Variants in ACTR3C observed in about 807,000 individuals in gnomAD.
ACTR3C encodes the protein actin related protein 3C, also known as actin-related protein 3C.
Under a neutral mutation model 26.3 loss-of-function variants are expected in ACTR3C, and 18 were observed. The observed-to-expected ratio is 0.68, with a 90% CI of 0.47 to 1.01. The LOEUF (loss-of-function observed/expected upper bound fraction) is 1.01. Among genes scored for constraint, ACTR3C ranks in the 50% least tolerant of loss-of-function variants. The pLI is 0.00. For missense variants in ACTR3C, 184 were observed against 250.7 expected (o/e 0.73, Z 1.80); for synonymous variants, 55 against 94.5 (o/e 0.58, Z 2.42).
At chr7:150,124,802 A>G in the ACTR3C span, among the ~76,000 whole-genome samples, 1 of 152,310 alleles carries the variant, frequency 6.6e-6, no homozygotes, top group Non-Finnish European at 1.5e-5. Flanking sequence ...GAATGATAGT[A>G]AATGAAATTT....
the ACTR3C span, among the ~76,000 whole-genome samples, chr7:150,080,319 C>T: frequency 1.3e-5 from 2 of 151,094 alleles, no homozygotes; most frequent in East Asian, 3.9e-4. Flanking sequence ...CTTTCTCCTT[C>T]CTTCTCTCAT....
the ACTR3C span, among the ~76,000 whole-genome samples, chr7:150,197,394 G>A: frequency 6.6e-6 from 1 of 152,164 alleles, no homozygotes; most frequent in South Asian, 2.1e-4. Context: ...AACTAAGCAA[G>A]TGTGTTCAAA....
the ACTR3C span, among the ~76,000 whole-genome samples, chr7:150,228,993 A>T: frequency 6.6e-6 from 1 of 151,896 alleles, no homozygotes; most frequent in Non-Finnish European, 1.5e-5. Context: ...ATGTATTCAT[A>T]TAATACTATA....
chr7:150,025,645 G>A, the ACTR3C span, among the ~76,000 whole-genome samples: 10 of 152,072 alleles, frequency 6.6e-5, no homozygotes, highest in African/African-American at 1.9e-4. Flanking sequence ...TGTTTTTAGC[G>A]GAGGAAAATG....
At chr7:149,991,988 GTT>G in the ACTR3C span, among the ~76,000 whole-genome samples, 4 of 110,866 alleles carry the variant, frequency 3.6e-5, no homozygotes, top group Admixed American at 3.9e-4. Context: ...TACACTGAGT[GTT>G]TGTTATGTAA....
At chr7:150,174,449 A>T in the ACTR3C span, among the ~76,000 whole-genome samples, 1 of 140,942 alleles carries the variant, frequency 7.1e-6, no homozygotes, top group Non-Finnish European at 1.5e-5. Context: ...CCCACAACAC[A>T]TGGGACTTCT....
the ACTR3C span, among the ~76,000 whole-genome samples, chr7:150,060,189 T>C: frequency 1.3e-5 from 2 of 152,130 alleles, no homozygotes; most frequent in Non-Finnish European, 2.9e-5. Context: ...GGTCAGCCAC[T>C]AACAGATTCT....
At chr7:150,055,326 C>T in the ACTR3C span, among the ~76,000 whole-genome samples, 1 of 152,208 alleles carries the variant, frequency 6.6e-6, no homozygotes, top group Non-Finnish European at 1.5e-5. Flanking sequence ...GAGCAATGTA[C>T]TAGAGCAATT....
chr7:150,029,409 A>AAC, the ACTR3C span, among the ~76,000 whole-genome samples: 6 of 99,390 alleles, frequency 6.0e-5, no homozygotes, highest in Admixed American at 2.6e-4. Context: ...AAAACAAAAA[A>AAC]AAAAAAAACA....
At chr7:149,925,216 A>C in the ACTR3C span, among the ~76,000 whole-genome samples, 148,898 of 152,108 alleles carry the variant, frequency 0.98, 72,913 homozygotes, top group East Asian at 1. Context: ...ACAAAATAGA[A>C]TTGAACTAAT....
intron 6 of ACTR3C, among the ~76,000 whole-genome samples, chr7:150,262,847 A>C: frequency 6.6e-6 from 1 of 152,274 alleles, no homozygotes; most frequent in East Asian, 1.9e-4. Context: ...GTATTGCGAA[A>C]TAAGAATAAA....
chr7:149,999,778 T>C, the ACTR3C span, among the ~76,000 whole-genome samples: 1 of 151,500 alleles, frequency 6.6e-6, no homozygotes, highest in Non-Finnish European at 1.5e-5. Context: ...CCATCATCTC[T>C]ACCTACAAGG....
the ACTR3C span, among the ~76,000 whole-genome samples, chr7:149,985,823 C>G: frequency 6.6e-6 from 1 of 152,164 alleles, no homozygotes; most frequent in Non-Finnish European, 1.5e-5. Flanking sequence ...CTCGAAGTCC[C>G]CATTCAGAAT....
At chr7:149,993,507 C>T in the ACTR3C span, among the ~76,000 whole-genome samples, 7 of 152,152 alleles carry the variant, frequency 4.6e-5, no homozygotes, top group African/African-American at 1.4e-4. Flanking sequence ...GAACCTAATG[C>T]CATCAGTATG....
chr7:150,132,367 GT>G, the ACTR3C span, among the ~76,000 whole-genome samples: 1 of 151,924 alleles, frequency 6.6e-6, no homozygotes, highest in Non-Finnish European at 1.5e-5. Context: ...TTCACAAAAG[GT>G]CTGATATCCA....
chr7:149,900,301 G>A, the ACTR3C span, among the ~76,000 whole-genome samples: 5 of 151,796 alleles, frequency 3.3e-5, no homozygotes, highest in Admixed American at 2.0e-4. Flanking sequence ...TCAGCCTCCC[G>A]AAATAGCTGG....
chr7:149,948,165 C>T, the ACTR3C span, among the ~76,000 whole-genome samples: 1 of 132,558 alleles, frequency 7.5e-6, no homozygotes, highest in Non-Finnish European at 1.5e-5. Context: ...ATTTTAAATT[C>T]CTAGCCTAAA....
chr7:150,035,012 G>C, the ACTR3C span, among the ~76,000 whole-genome samples: 12 of 138,240 alleles, frequency 8.7e-5, 1 homozygote, highest in East Asian at 4.5e-4. Flanking sequence ...GGGGTCCTCA[G>C]AGCCAGGGGG....
chr7:150,298,289 GC>G (rs1323499574), intron 1 of ACTR3C, among the ~76,000 whole-genome samples: 3 of 150,046 alleles, frequency 2.0e-5, no homozygotes, highest in African/African-American at 7.4e-5. Flanking sequence ...CCAATACAAA[GC>G]AAAGAGAAAA....
Sources: allele counts gnomAD v4.1 joint callset (sites outside exome capture counted in the v4.1 genomes callset), GRCh38; gene constraint gnomAD v4.1.1; transcripts MANE v1.5; gene names NCBI Gene and HGNC (gene_info 2026-07-23, HGNC 2026-07-21).